The following ROCK1 variants were observed in gnomAD, a reference collection of about 807,000 sequenced individuals.
The protein encoded by ROCK1 is rho-associated protein kinase 1.
ROCK1 carries 36 observed loss-of-function variants against 196.8 expected under a neutral mutation model. The observed-to-expected ratio is 0.18, with a 90% CI of 0.14 to 0.24. The LOEUF is 0.24. Among genes scored for constraint, ROCK1 ranks in the 10% least tolerant of loss-of-function variants. The pLI, the probability that ROCK1 is intolerant of heterozygous loss-of-function variation, is 1.00. For missense variants in ROCK1, 920 were observed against 1,562.0 expected, an observed-to-expected ratio of 0.59 and a Z score of 6.93; for synonymous variants, 443 against 515.9, an observed-to-expected ratio of 0.86 and a Z score of 1.91.
At chr18:21,090,370 G>A (rs1273083402) in intron 1 of ROCK1, among the ~76,000 whole-genome samples, 4 of 152,140 alleles carry the variant, frequency 2.6e-5, no homozygotes, top group Non-Finnish European at 4.4e-5. Flanking sequence ...GGCTGAGGTG[G>A]GAGAATCACT....
chr18:21,014,802 G>A (rs2035849397), intron 13 of ROCK1, among the ~76,000 whole-genome samples: 1 of 152,172 alleles, frequency 6.6e-6, no homozygotes, highest in Non-Finnish European at 1.5e-5. Context: ...GACAAAGTAA[G>A]TAATGTATTA....
intron 1 of ROCK1, among the ~76,000 whole-genome samples, chr18:21,094,845 G>A (rs530417279): frequency 7.3e-5 from 11 of 151,490 alleles, no homozygotes; most frequent in South Asian, 2.1e-4. Flanking sequence ...TCTGGAGTTC[G>A]AGACCAGCCT....
intron 12 of ROCK1, among the ~76,000 whole-genome samples, chr18:21,016,856 C>T (rs1398866334): frequency 2.0e-5 from 3 of 151,950 alleles, no homozygotes; most frequent in Non-Finnish European, 4.4e-5. Flanking sequence ...TTCCATTACA[C>T]TTAAATTCCA....
rs368198352 is a variant in ROCK1 at position 21,041,198 on chromosome 18, G to A, written c.959+899C>T. On this transcript the variant is annotated intron_variant, in intron 8 of 32. Transcript: ENST00000399799. ...TGTAATCCCAGCACTTTGGGAAGCTGAAGTGGGAGGATCACTTGATCCCAG... is the reference window on the plus strand; with the variant it reads ...TGTAATCCCAGCACTTTGGGAAGCTAAAGTGGGAGGATCACTTGATCCCAG... Among the ~76,000 whole-genome samples, 37 of 149,470 alleles carry A rather than the reference G, an allele frequency of 2.5e-4. 1 individual carries two copies. The highest frequency in any genetic ancestry group is 2.0e-3 in the East Asian group (10 of 4,938).
chr18:20,959,209 A>AATAT (rs1225781802), intron 29 of ROCK1, among the ~76,000 whole-genome samples: 1 of 73,920 alleles, frequency 1.4e-5, no homozygotes, highest in African/African-American at 5.4e-5. Flanking sequence ...TAATACATAT[A>AATAT]ATATATATAT....
At chr18:21,103,171 C>T (rs1275177658) in intron 1 of ROCK1, among the ~76,000 whole-genome samples, 3 of 151,922 alleles carry the variant, frequency 2.0e-5, no homozygotes, top group African/African-American at 7.3e-5. Context: ...AATAGATATA[C>T]AAATAAAAAA....
At position 20,991,217 on chromosome 18, in the gene ROCK1, T is replaced by C. The variant is rs577130897; in HGVS notation, c.2102A>G (p.Lys701Arg). The C allele has an allele frequency of 1.2e-6, 2 of 1,613,088 alleles. No individual in the cohort carries two copies. Among genetic ancestry groups the C allele is most frequent in the East Asian group, 2.2e-5 (1 of 44,828 alleles). The stretch of plus-strand genomic sequence containing the variant: ...CTTTGCCTCTTCAATAGATTGATGT[T>C]TGTCAGTTAAACGAGCTTTGGTTAC... ...HKVTKARLTD[K>R]HQSIEEAKSV... The change falls in exon 18 of 33, where the codon AAA becomes AGA. Residue 701 changes from lysine to arginine, a missense_variant. Physicochemically the swap from Lys to Arg is conservative, Grantham distance 26. This residue lies in a region of ROCK1 where 520 missense variants were observed against 657.1 expected (regional missense o/e 0.79). Transcript: ENST00000399799.
At chr18:20,983,889 AT>A (rs968105380) in intron 20 of ROCK1, among the ~76,000 whole-genome samples, 1 of 152,218 alleles carries the variant, frequency 6.6e-6, no homozygotes, top group African/African-American at 2.4e-5. Flanking sequence ...TGTGAAGCAT[AT>A]TCTTCGACAA....
At chr18:20,975,203 G>A (rs921870100) in intron 22 of ROCK1, among the ~76,000 whole-genome samples, 2 of 152,198 alleles carry the variant, frequency 1.3e-5, no homozygotes, top group African/African-American at 4.8e-5. Flanking sequence ...GGATGAACTG[G>A]GCACCACGGT....
At chr18:21,091,115 C>G (rs1020144227) in intron 1 of ROCK1, among the ~76,000 whole-genome samples, 3 of 151,704 alleles carry the variant, frequency 2.0e-5, no homozygotes, top group African/African-American at 7.3e-5. Flanking sequence ...TCTCTTTTAC[C>G]TCTTCCCTCT....
At chr18:21,082,238 C>A (rs2036488514) in intron 1 of ROCK1, among the ~76,000 whole-genome samples, 1 of 152,064 alleles carries the variant, frequency 6.6e-6, no homozygotes, top group Non-Finnish European at 1.5e-5. Flanking sequence ...GGCAGTATGT[C>A]CGGCCTCTAC....
rs2035514096 is a variant in ROCK1, at chr18:20,979,809, A to C, written c.2654+101T>G. 4 of 1,361,572 alleles carry C rather than the reference A, an allele frequency of 2.9e-6. No individual in the cohort carries two copies. In the South Asian group the frequency reaches 4.2e-5, roughly 14 times the overall value. The allele number at this position is 1,361,572 out of a possible 1,614,324, so 84.3% of individuals were successfully genotyped here. A position where few individuals can be genotyped will look rare whatever the true frequency, so the allele number is the denominator to read the frequency against. ...GAATTAGCCCAATAAACTGTGTTCT[A>C]TACCATTCCCACCAGAATAATGGCA... On this transcript the variant is annotated intron_variant, in intron 22 of 32. Transcript: ENST00000399799.
At chr18:21,045,947 G>A (rs1296096097) in intron 4 of ROCK1, among the ~76,000 whole-genome samples, 1 of 112,218 alleles carries the variant, frequency 8.9e-6, no homozygotes, top group African/African-American at 3.5e-5. Context: ...GTCTCGCTCT[G>A]TCGCCCAGGC....
chr18:21,086,877 G>C (rs1476765875), intron 1 of ROCK1, among the ~76,000 whole-genome samples: 1 of 151,406 alleles, frequency 6.6e-6, no homozygotes. Flanking sequence ...GACGATGAAA[G>C]AAATAAATCT....
intron 4 of ROCK1, among the ~76,000 whole-genome samples, chr18:21,046,483 A>T (rs1322214306): frequency 1.3e-5 from 2 of 152,230 alleles, no homozygotes; most frequent in African/African-American, 4.8e-5. Flanking sequence ...TGAATATAGA[A>T]AGCACTTAGT....
intron 1 of ROCK1, among the ~76,000 whole-genome samples, chr18:21,093,717 G>C (rs2036589586): frequency 6.6e-6 from 1 of 152,098 alleles, no homozygotes; most frequent in Admixed American, 6.5e-5. Flanking sequence ...ACTCTGGGAG[G>C]CCGAGGCAGG....
intron 1 of ROCK1, among the ~76,000 whole-genome samples, chr18:21,073,529 T>C (rs1488414760): frequency 5.9e-5 from 9 of 152,154 alleles, no homozygotes; most frequent in Non-Finnish European, 1.3e-4. Flanking sequence ...TAGGATTAAA[T>C]CCATTAAAAG....
chr18:21,091,146 A>C (rs925362602), intron 1 of ROCK1, among the ~76,000 whole-genome samples: 2 of 151,922 alleles, frequency 1.3e-5, no homozygotes, highest in Non-Finnish European at 1.5e-5. Flanking sequence ...TGATACAAAG[A>C]CCAATCTCTC....
rs1352652552 is a variant in ROCK1, at chr18:21,033,276, A to G, written c.1052-4341T>C. On this transcript the variant is annotated intron_variant, in intron 9 of 32. Transcript: ENST00000399799. ...GTCATACAAAAAGCATTTGACAAAC[A>G]CAACACCCCTTCATGATTGAAAACA... Among the ~76,000 whole-genome samples the G allele has an allele frequency of 3.9e-5, 6 of 152,356 alleles. No homozygotes were observed. In the East Asian group the frequency reaches 7.7e-4, roughly 20 times the overall value.
Sources: gnomAD v4.1 joint callset for allele counts (sites outside exome capture counted in the v4.1 genomes callset) on GRCh38, gnomAD v4.1.1 for gene constraint, gnomAD v4.1.1 regional missense constraint, MANE v1.5 for transcripts, NCBI Gene and HGNC (gene_info 2026-07-23, HGNC 2026-07-21) for gene names.